The following FRMD5 variants were observed in gnomAD, a reference collection of about 807,000 sequenced individuals.
FRMD5 encodes the protein FERM domain containing 5.
FRMD5 carries 20 observed loss-of-function variants against 69.0 expected under a neutral mutation model. The observed-to-expected ratio is 0.29, with a 90% CI of 0.20 to 0.42. The LOEUF (loss-of-function observed/expected upper bound fraction) is 0.42, where lower values mean the gene tolerates loss of function less well. FRMD5 is among the 10% of genes least tolerant of loss of function. The pLI, the probability that FRMD5 is intolerant of heterozygous loss-of-function variation, is 1.00. For missense variants in FRMD5, 595 were observed against 708.6 expected, an observed-to-expected ratio of 0.84 and a Z score of 1.82; for synonymous variants, 271 against 260.1, an observed-to-expected ratio of 1.04 and a Z score of -0.40.
chr15:43,880,263 A>C (rs1278680318), intron 13 of FRMD5, among the ~76,000 whole-genome samples: 1 of 152,124 alleles, frequency 6.6e-6, no homozygotes, highest in African/African-American at 2.4e-5. Flanking sequence ...ATAGAAAAGA[A>C]AGTCTTTGGT....
At chr15:43,910,015 T>C in intron 4 of FRMD5, 36 bp from the exon 5 acceptor site, 4 of 1,203,362 alleles carry the variant, frequency 3.3e-6, no homozygotes, top group South Asian at 2.5e-5. Context: ...ATAAAGGATT[T>C]CTTTGATTGC....
intron 1 of FRMD5, among the ~76,000 whole-genome samples, chr15:43,957,140 G>C (rs141975784): frequency 6.6e-6 from 1 of 152,102 alleles, no homozygotes; most frequent in Non-Finnish European, 1.5e-5. Flanking sequence ...TTACAGATGT[G>C]AGAACTGAGT....
At chr15:44,033,707 T>C (rs1891786252) in intron 1 of FRMD5, among the ~76,000 whole-genome samples, 2 of 152,186 alleles carry the variant, frequency 1.3e-5, no homozygotes, top group Non-Finnish European at 2.9e-5. Context: ...AATATAATGA[T>C]TAAAATCATG....
chr15:44,091,086 A>G (rs1186993148), intron 1 of FRMD5, among the ~76,000 whole-genome samples: 1 of 152,214 alleles, frequency 6.6e-6, no homozygotes, highest in African/African-American at 2.4e-5. Flanking sequence ...AATTTATAGC[A>G]ACTGTAAGCT....
intron 1 of FRMD5, among the ~76,000 whole-genome samples, chr15:43,943,079 C>T (rs1170830559): frequency 6.6e-6 from 1 of 151,954 alleles, no homozygotes; most frequent in Non-Finnish European, 1.5e-5. Context: ...CTGTCTCTAC[C>T]AAAAATACAA....
chr15:44,024,536 T>C (rs1345352101), intron 1 of FRMD5, among the ~76,000 whole-genome samples: 2 of 152,230 alleles, frequency 1.3e-5, no homozygotes, highest in East Asian at 3.8e-4. Flanking sequence ...ATTTCCCTAA[T>C]TGCTAATAAA....
chr15:43,944,318 T>C (rs780220297), intron 1 of FRMD5, among the ~76,000 whole-genome samples: 3 of 152,204 alleles, frequency 2.0e-5, no homozygotes, highest in Non-Finnish European at 1.5e-5. Flanking sequence ...ACCAGTTCCA[T>C]TCCCATGATA....
At chr15:43,955,929 C>T (rs1156536665) in intron 1 of FRMD5, among the ~76,000 whole-genome samples, 2 of 151,782 alleles carry the variant, frequency 1.3e-5, no homozygotes, top group Non-Finnish European at 2.9e-5. Flanking sequence ...GGAAGTTTAC[C>T]ACAGGTAAGA....
intron 1 of FRMD5, among the ~76,000 whole-genome samples, chr15:43,945,092 C>T (rs924220553): frequency 1.3e-5 from 2 of 151,880 alleles, no homozygotes; most frequent in Non-Finnish European, 2.9e-5. Flanking sequence ...CGGCAGGTTT[C>T]TATGAGTTTA....
At chr15:43,931,351 G>A (rs2089671502) in intron 1 of FRMD5, among the ~76,000 whole-genome samples, 1 of 152,098 alleles carries the variant, frequency 6.6e-6, no homozygotes, top group Admixed American at 6.5e-5. Context: ...TATTTGTGAA[G>A]CTCATATTCT....
At chr15:44,033,284 T>C (rs1474823637) in intron 1 of FRMD5, among the ~76,000 whole-genome samples, 3 of 152,098 alleles carry the variant, frequency 2.0e-5, no homozygotes, top group African/African-American at 4.8e-5. Context: ...AAGATAACTA[T>C]TGGATACTGG....
intron 1 of FRMD5, among the ~76,000 whole-genome samples, chr15:43,945,094 A>G (rs935584569): frequency 7.9e-5 from 12 of 151,750 alleles, no homozygotes; most frequent in African/African-American, 2.7e-4. Context: ...GCAGGTTTCT[A>G]TGAGTTTATA....
At chr15:44,025,818 AC>A (rs1219795056) in intron 1 of FRMD5, among the ~76,000 whole-genome samples, 2 of 152,190 alleles carry the variant, frequency 1.3e-5, no homozygotes, top group Non-Finnish European at 2.9e-5. Flanking sequence ...CTGCTCACTT[AC>A]CGCCTTTCTG....
chr15:44,066,970 G>C (rs1052071472), intron 1 of FRMD5, among the ~76,000 whole-genome samples: 1 of 151,958 alleles, frequency 6.6e-6, no homozygotes, highest in South Asian at 2.1e-4. Flanking sequence ...GATTAGTAGA[G>C]AACAAAATAT....
chr15:43,881,192 G>A (rs186389191), intron 13 of FRMD5, among the ~76,000 whole-genome samples: 8 of 152,322 alleles, frequency 5.3e-5, no homozygotes, highest in African/African-American at 1.9e-4. Context: ...TTTTGTTTGG[G>A]AGGACAGCTG....
At chr15:44,153,410 G>A (rs2706495) in intron 1 of FRMD5, among the ~76,000 whole-genome samples, 133,217 of 152,212 alleles carry the variant, frequency 0.88, 59,183 homozygotes, top group East Asian at 1. Flanking sequence ...CTCTGACATA[G>A]GCTTTAACAT....
At chr15:44,136,922 G>A (rs2077195885) in intron 1 of FRMD5, among the ~76,000 whole-genome samples, 1 of 151,994 alleles carries the variant, frequency 6.6e-6, no homozygotes, top group Non-Finnish European at 1.5e-5. Flanking sequence ...TCACACAACA[G>A]CGATAGATAA....
chr15:43,872,211 T>C lies in FRMD5; in HGVS notation c.*1674A>G, dbSNP rs1166552772. Reference sequence around the variant, plus strand: ...AGATGAAAGGATGTCTTTAAAATTATGCAAATCTCTCCCTAAGAACCCCAA... The same window carrying C: ...AGATGAAAGGATGTCTTTAAAATTACGCAAATCTCTCCCTAAGAACCCCAA... On this transcript the variant is annotated 3_prime_UTR_variant, in exon 14 of 14. Transcript: ENST00000417257. 1.3e-5 allele frequency: 2 copies of C among 152,280 alleles called. No homozygotes were observed. Among genetic ancestry groups the C allele is most frequent in the East Asian group, 3.9e-4 (2 of 5,170 alleles). The allele number at this position is 152,280 out of a possible 1,614,324, so 9.4% of individuals were successfully genotyped here.
At chr15:43,959,753 AT>A (rs200287280) in intron 1 of FRMD5, among the ~76,000 whole-genome samples, 4 of 151,794 alleles carry the variant, frequency 2.6e-5, no homozygotes, top group Non-Finnish European at 2.9e-5. Context: ...GACATCTGAG[AT>A]TTTTTTTTCC....
Sources: gnomAD v4.1 joint callset for allele counts (sites outside exome capture counted in the v4.1 genomes callset) on GRCh38, gnomAD v4.1.1 for gene constraint, MANE v1.5 for transcripts, NCBI Gene and HGNC (gene_info 2026-07-23, HGNC 2026-07-21) for gene names.